Variants in NOP9 observed in about 807,000 individuals in gnomAD.
NOP9 encodes nucleolar protein 9.
In NOP9, 50 loss-of-function variants were observed where a neutral mutation model predicts 63.0. The ratio of observed to expected loss-of-function variants is 0.79; its 90% CI spans 0.63 to 1.00. The LOEUF is 1.00. NOP9 is among the 50% of genes least tolerant of loss of function. The pLI is 0.00. For synonymous variants in NOP9, 343 were observed against 332.8 expected (o/e 1.03, Z -0.33); for missense variants, 758 against 803.0 (o/e 0.94, Z 0.68).
rs960167422 is a variant in NOP9, at chr14:24,301,647, G to A, written c.733G>A (p.Ala245Thr). 3 of 1,614,064 alleles carry A rather than the reference G, an allele frequency of 1.9e-6. No homozygotes were observed. The highest frequency in any genetic ancestry group is 2.5e-6 in the Non-Finnish European group (3 of 1,180,004). Residue 245 changes from alanine to threonine, a missense_variant, in exon 3 of 10, where the codon GCT becomes ACT. By Grantham distance (58) the Ala-to-Thr change is moderately conservative. Coordinates refer to ENST00000267425, the MANE Select transcript of NOP9 (RefSeq NM_174913.3). ...QKTPAQECKP[A>T]DFEVPETFLN... is the part of the protein sequence containing the mutation. ...GACCCCAGCTCAGGAATGTAAGCCA[G>A]CTGATTTTGAAGTCCCTGAAACCTT...
At chr14:24,280,974 C>T in the NOP9 span, among the ~76,000 whole-genome samples, 78 of 152,208 alleles carry the variant, frequency 5.1e-4, no homozygotes, top group African/African-American at 1.8e-3. Flanking sequence ...GGAGTGGTTC[C>T]GAAGCTCAGA....
upstream of NOP9, chr14:24,299,765 G>A: frequency 3.1e-6 from 2 of 641,514 alleles, no homozygotes; most frequent in Non-Finnish European, 5.1e-6. Flanking sequence ...ACCTGCGGAT[G>A]GGGGCGGAGC....
chr14:24,290,386 T>C, the NOP9 span, among the ~76,000 whole-genome samples: 1 of 152,196 alleles, frequency 6.6e-6, no homozygotes, highest in African/African-American at 2.4e-5. Context: ...AGTGTGAGAC[T>C]GGATGTGCCC....
Position 24,307,838 on chromosome 14 carries a change from C to T in NOP9, c.*2743C>T, listed in dbSNP as rs759251111. 3.1e-6 allele frequency: 5 copies of T among 1,595,608 alleles called. No homozygotes were observed. Among genetic ancestry groups the T allele is most frequent in the East Asian group, 2.3e-5 (1 of 44,310 alleles). On this transcript the variant is annotated 3_prime_UTR_variant, in exon 10 of 10. Transcript: ENST00000267425. Reference sequence around the variant, plus strand: ...GTCACCTGAGTAAGTCACTGGGGTTCAGAGCTGAGAGGTACTCCATGGTGG... The same window carrying T: ...GTCACCTGAGTAAGTCACTGGGGTTTAGAGCTGAGAGGTACTCCATGGTGG...
At chr14:24,303,265 C>A in intron 6 of NOP9, 51 bp downstream of exon 6, 1 of 1,606,350 alleles carries the variant, frequency 6.2e-7, no homozygotes, top group Non-Finnish European at 8.5e-7. Flanking sequence ...CAACTTCTAC[C>A]TTTTAGGACT....
the NOP9 span, chr14:24,293,691 T>C: frequency 6.6e-6 from 1 of 152,050 alleles, no homozygotes; most frequent in Non-Finnish European, 1.5e-5. Context: ...CTGTCACCCA[T>C]ATTAAAATGC....
chr14:24,306,848 C>T lies in NOP9; in HGVS notation c.*1753C>T. 1 of 390,932 alleles carries T rather than the reference C, an allele frequency of 2.6e-6. No homozygotes were observed. 24.2% of individuals were successfully genotyped at this position (390,932 alleles called of 1,614,324 possible). Reference sequence around the variant, plus strand: ...CTTCTGTCTTATCTACAATGCTGCACCTCACTTCCCACACCCTCAAGAGTT... The same window carrying T: ...CTTCTGTCTTATCTACAATGCTGCATCTCACTTCCCACACCCTCAAGAGTT... On this transcript the variant is annotated 3_prime_UTR_variant, in exon 10 of 10. Coordinates refer to ENST00000267425, the MANE Select transcript of NOP9 (RefSeq NM_174913.3).
chr14:24,300,372 A>T, intron 1 of NOP9, 36 bp from the exon 2 acceptor site: 1 of 1,588,518 alleles, frequency 6.3e-7, no homozygotes. Flanking sequence ...ATTCTCTACT[A>T]AGTCTCTTCA....
Position 24,304,609 on chromosome 14 carries a change from G to C in NOP9, c.1753+11G>C. On this transcript the variant is annotated intron_variant, in intron 9 of 9. Coordinates refer to ENST00000267425, the MANE Select transcript of NOP9 (RefSeq NM_174913.3). Reference sequence around the variant, plus strand: ...TTGCTGCTGAGCTTGGTGAGTACCAGCCCCTCTCTTTGATGTTTCCAGACT... The same window carrying C: ...TTGCTGCTGAGCTTGGTGAGTACCACCCCCTCTCTTTGATGTTTCCAGACT... 1 of 1,579,442 alleles carries C rather than the reference G, an allele frequency of 6.3e-7. No homozygotes were observed. Among genetic ancestry groups the C allele is most frequent in the East Asian group, 2.2e-5 (1 of 44,764 alleles).
intron 2 of NOP9, 57 bp downstream of exon 2, chr14:24,300,914 A>G (rs1566410335): frequency 7.2e-7 from 1 of 1,388,598 alleles, no homozygotes; most frequent in Admixed American, 2.0e-5. Context: ...GAAAGTTCAG[A>G]ATGAGACAGT....
chr14:24,275,355 A>G, the NOP9 span, among the ~76,000 whole-genome samples: 1 of 152,162 alleles, frequency 6.6e-6, no homozygotes. Context: ...TATTATCCAT[A>G]TTTTACAATG....
the NOP9 span, among the ~76,000 whole-genome samples, chr14:24,274,509 GAT>G: frequency 6.6e-6 from 1 of 152,134 alleles, no homozygotes; most frequent in Admixed American, 6.5e-5. Context: ...TGGAACTGAT[GAT>G]AATAAGCCTC....
the NOP9 span, among the ~76,000 whole-genome samples, chr14:24,288,380 C>A: frequency 6.6e-6 from 1 of 151,830 alleles, no homozygotes; most frequent in East Asian, 1.9e-4. Context: ...GATGGAGTCT[C>A]ACACTGTCAC....
rs746396256 is a variant in NOP9 at position 24,303,807 on chromosome 14, G to A, written c.1360G>A (p.Val454Met). 2 of 1,614,206 alleles carry A rather than the reference G, an allele frequency of 1.2e-6. No homozygotes were observed. The highest frequency in any genetic ancestry group is 1.7e-6 in the Non-Finnish European group (2 of 1,180,030). ...CTTTGCCACTTTGATGGCTTATGAG[G>A]TGTACTATGGACTGACGGAGGAGGA... ...PLFATLMAYEVYYGLTEEEGA... is the reference protein window; with the variant it reads ...PLFATLMAYEMYYGLTEEEGA... The change falls in exon 7 of 10, where the codon GTG (valine) becomes ATG (methionine). Residue 454 changes from valine (V) to methionine (M), a missense_variant. Val to Met is a conservative substitution (Grantham distance 21). Coordinates refer to ENST00000267425, the MANE Select transcript of NOP9 (RefSeq NM_174913.3).
Position 24,307,226 on chromosome 14 carries a change from A to AT in NOP9, c.*2133dup. 1.2e-6 allele frequency: 1 copy of AT among 853,248 alleles called. No homozygotes were observed. Among genetic ancestry groups the AT allele is most frequent in the Non-Finnish European group, 1.8e-6 (1 of 544,426 alleles). 52.9% of individuals were successfully genotyped at this position (853,248 alleles called of 1,614,324 possible). On this transcript the variant is annotated 3_prime_UTR_variant, in exon 10 of 10. Transcript: ENST00000267425. Reference sequence around the variant, plus strand: ...AAAATGAACAAATTGACCAGAGCTCATTAGGCCCACTCCGCTGCTTTTAGC... The same window carrying AT: ...AAAATGAACAAATTGACCAGAGCTCATTTAGGCCCACTCCGCTGCTTTTAGC...
chr14:24,296,536 C>T (rs1469173317), upstream of NOP9: 1 of 1,614,198 alleles, frequency 6.2e-7, no homozygotes. Flanking sequence ...GATATCATCC[C>T]ACATGGAGGC....
chr14:24,287,371 GA>G, the NOP9 span, among the ~76,000 whole-genome samples: 15 of 152,174 alleles, frequency 9.9e-5, no homozygotes, highest in African/African-American at 3.6e-4. Flanking sequence ...TCCCAGGCTG[GA>G]ACTATTCTGA....
At position 24,305,464 on chromosome 14, in the gene NOP9, G is replaced by C; in HGVS notation, c.*369G>C. 1 of 770,878 alleles carries C rather than the reference G, an allele frequency of 1.3e-6. No individual in the cohort carries two copies. Among genetic ancestry groups the C allele is most frequent in the Non-Finnish European group, 2.0e-6 (1 of 490,376 alleles). 47.8% of individuals were successfully genotyped at this position (770,878 alleles called of 1,614,324 possible). ...TCTTCAGGTAAGGGTATAGACTTGG[G>C]ATGTGAGGCGTTATGCTGAAAGGTT... is the stretch of plus-strand genomic sequence containing the variant. On this transcript the variant is annotated 3_prime_UTR_variant, in exon 10 of 10. Coordinates refer to ENST00000267425, the MANE Select transcript of NOP9 (RefSeq NM_174913.3).
At chr14:24,299,326 G>A, upstream of NOP9, 1 of 554,128 alleles carries the variant, frequency 1.8e-6, no homozygotes, top group Non-Finnish European at 3.2e-6. Flanking sequence ...GGGAGGCCCA[G>A]AGAGTGAAGA....
Sources: gnomAD v4.1 joint callset for allele counts (sites outside exome capture counted in the v4.1 genomes callset) on GRCh38, gnomAD v4.1.1 for gene constraint, MANE v1.5 for transcripts, NCBI Gene and HGNC (gene_info 2026-07-23, HGNC 2026-07-21) for gene names.